NAV2: variants seen among roughly 807,000 people sequenced by gnomAD.
NAV2 encodes neuron navigator 2.
Under a neutral mutation model 223.2 loss-of-function variants are expected in NAV2, and 54 were observed. The observed-to-expected ratio is 0.24, with a 90% CI of 0.19 to 0.30. The LOEUF (loss-of-function observed/expected upper bound fraction) is 0.30. Ranked by LOEUF, NAV2 falls within the 10% of genes least tolerant of loss-of-function variation. The pLI is 1.00. For synonymous variants in NAV2, 1,279 were observed against 1,239.3 expected (o/e 1.03, Z -0.67); for missense variants, 2,806 against 3,147.5 (o/e 0.89, Z 2.60).
chr11:19,558,398 C>T (rs577495875), intron 1 of NAV2, among the ~76,000 whole-genome samples: 38 of 152,254 alleles, frequency 2.5e-4, no homozygotes, highest in Non-Finnish European at 3.4e-4. Flanking sequence ...CTCTCCAGCA[C>T]GAGAGTCAGA....
intron 10 of NAV2, among the ~76,000 whole-genome samples, chr11:19,980,952 ATTG>A (rs2050238394): frequency 6.6e-6 from 1 of 152,208 alleles, no homozygotes; most frequent in African/African-American, 2.4e-5. Flanking sequence ...TTCAAAGAAT[ATTG>A]TTGTTTAAAA....
intron 1 of NAV2, among the ~76,000 whole-genome samples, chr11:19,664,379 C>T (rs1266565098): frequency 6.6e-6 from 1 of 152,152 alleles, no homozygotes; most frequent in South Asian, 2.1e-4. Flanking sequence ...TTGCCAGTTT[C>T]CTAGTCCTGT....
chr11:20,096,533 G>T (rs1445816334), intron 30 of NAV2, among the ~76,000 whole-genome samples: 7 of 152,214 alleles, frequency 4.6e-5, no homozygotes, highest in South Asian at 2.1e-4. Context: ...GGTGAAGAAA[G>T]TGAGGGTCAG....
intron 1 of NAV2, chr11:19,384,557 G>A (rs1425036457): frequency 6.6e-6 from 1 of 152,178 alleles, no homozygotes; most frequent in East Asian, 1.9e-4. Flanking sequence ...AGTATTATGG[G>A]TGTTATTTGC....
At position 19,434,313 on chromosome 11, in the gene NAV2, C is replaced by G. The variant is rs542685536; in HGVS notation, c.75+83286C>G. On this transcript the variant is annotated intron_variant, in intron 1 of 37. Transcript: ENST00000360655. ...TAAAGATATTAAGGCATCTTGGTCC[C>G]TGGAGGGAGAAAGTGGCACTGGGGT... 3.3e-5 allele frequency among the ~76,000 whole-genome samples: 5 copies of G among 152,272 alleles called. No homozygotes were observed. In the South Asian group the frequency reaches 1.0e-3, roughly 32 times the overall value.
At chr11:19,348,466 A>T (rs1050356696), upstream of NAV2, among the ~76,000 whole-genome samples, 3 of 152,174 alleles carry the variant, frequency 2.0e-5, no homozygotes, top group South Asian at 2.1e-4. Flanking sequence ...TTGAAGTCAG[A>T]CCTGGGTTCA....
At chr11:19,716,793 A>G (rs1050835850) in intron 1 of NAV2, among the ~76,000 whole-genome samples, 1 of 152,250 alleles carries the variant, frequency 6.6e-6, no homozygotes, top group Non-Finnish European at 1.5e-5. Context: ...TAACAATGGT[A>G]ATAATGGCCA....
chr11:20,010,031 C>T (rs1255116493), intron 11 of NAV2, among the ~76,000 whole-genome samples: 1 of 152,182 alleles, frequency 6.6e-6, no homozygotes, highest in Admixed American at 6.5e-5. Context: ...GGGCAAGAAC[C>T]TATCTTGTTC....
chr11:19,980,445 G>A (rs773704422), intron 10 of NAV2, among the ~76,000 whole-genome samples: 6 of 152,184 alleles, frequency 3.9e-5, no homozygotes, highest in Non-Finnish European at 8.8e-5. Flanking sequence ...TGAGTTCTTG[G>A]ATCAGCTGGT....
At position 20,048,772 on chromosome 11, in the gene NAV2, C is replaced by A. The variant is rs1267365236; in HGVS notation, c.3947C>A (p.Ala1316Asp). The change falls in exon 15 of 38, where the codon GCT becomes GAT. Residue 1316 changes from alanine (A) to aspartate (D), a missense_variant. Ala to Asp is a moderately radical substitution (Grantham distance 126, BLOSUM62 -2). Around this residue, in one of 4 missense-constraint regions of NAV2, gnomAD observed 742 missense variants for 777.9 expected, o/e 0.95. Transcript: ENST00000349880. ...KPTKQVPIAT[A>D]ENMKNSVVIS... is the part of the protein sequence containing the mutation. ...ACCAAGCAAGTGCCCATCGCCACAGCTGAAAACATGAAAAATTCGGTGGTC... is the reference window on the plus strand; with the variant it reads ...ACCAAGCAAGTGCCCATCGCCACAGATGAAAACATGAAAAATTCGGTGGTC... 10 of 1,614,070 alleles carry A rather than the reference C, an allele frequency of 6.2e-6. No individual in the cohort carries two copies. The highest frequency in any genetic ancestry group is 8.5e-6 in the Non-Finnish European group (10 of 1,180,042).
chr11:19,922,331 C>T (rs2044351000), intron 6 of NAV2, among the ~76,000 whole-genome samples: 4 of 151,976 alleles, frequency 2.6e-5, no homozygotes, highest in Admixed American at 6.6e-5. Context: ...CAGAAGAGTT[C>T]TTCTACCGTT....
intron 17 of NAV2, among the ~76,000 whole-genome samples, chr11:20,052,916 C>G (rs545191964): frequency 1.3e-4 from 20 of 152,194 alleles, no homozygotes; most frequent in African/African-American, 4.6e-4. Flanking sequence ...CCACTTGGCA[C>G]TCAGAAATTT....
chr11:19,485,828 A>G (rs1295339599), intron 1 of NAV2, among the ~76,000 whole-genome samples: 2 of 152,080 alleles, frequency 1.3e-5, no homozygotes, highest in Non-Finnish European at 2.9e-5. Flanking sequence ...GTGGGATACT[A>G]TGGAATAAAG....
intron 10 of NAV2, among the ~76,000 whole-genome samples, chr11:19,976,716 G>A (rs781193380): frequency 4.6e-5 from 7 of 152,210 alleles, no homozygotes; most frequent in Non-Finnish European, 8.8e-5. Context: ...GATTTATCTG[G>A]GTTTTCCTGG....
chr11:19,801,551 C>T (rs1025873250), intron 1 of NAV2, among the ~76,000 whole-genome samples: 1 of 152,214 alleles, frequency 6.6e-6, no homozygotes, highest in African/African-American at 2.4e-5. Flanking sequence ...GTTTCGGCCT[C>T]CACCTGAAAG....
chr11:19,870,335 G>T (rs1254643565), intron 4 of NAV2, among the ~76,000 whole-genome samples: 2 of 152,190 alleles, frequency 1.3e-5, no homozygotes, highest in Non-Finnish European at 2.9e-5. Context: ...GAGAGTTCTT[G>T]TGCTGGCTGG....
At chr11:19,383,285 C>T (rs1236773283) in intron 1 of NAV2, among the ~76,000 whole-genome samples, 3 of 152,158 alleles carry the variant, frequency 2.0e-5, no homozygotes, top group African/African-American at 7.2e-5. Context: ...CTTGGCCCCT[C>T]CTCCCAAATA....
At chr11:19,523,365 GC>G (rs11351025) in intron 1 of NAV2, among the ~76,000 whole-genome samples, 9,496 of 152,204 alleles carry the variant, frequency 0.062, 966 homozygotes, top group African/African-American at 0.22. Flanking sequence ...CAGGAACAGT[GC>G]ATCCCTCCTG....
intron 1 of NAV2, among the ~76,000 whole-genome samples, chr11:19,671,655 T>G (rs1018582616): frequency 1.3e-5 from 2 of 152,218 alleles, no homozygotes; most frequent in African/African-American, 4.8e-5. Context: ...GCAAATTGTT[T>G]CCATAAAGGG....
Sources: gnomAD v4.1 joint callset for allele counts (sites outside exome capture counted in the v4.1 genomes callset) on GRCh38, gnomAD v4.1.1 for gene constraint, gnomAD v4.1.1 regional missense constraint, MANE v1.5 for transcripts, NCBI Gene and HGNC (gene_info 2026-07-23, HGNC 2026-07-21) for gene names.